DBX2: variants seen among roughly 807,000 people sequenced by gnomAD.
The protein encoded by DBX2 is developing brain homeobox 2.
A neutral mutation model predicts 17.7 loss-of-function variants in DBX2; 16 were observed. The observed-to-expected ratio is 0.90, with a 90% confidence interval of 0.61 to 1.37. The LOEUF (loss-of-function observed/expected upper bound fraction) is 1.37, where lower values mean the gene tolerates loss of function less well. DBX2 is among the 40% of genes most tolerant of loss of function. The probability of loss-of-function intolerance (pLI) is 0.00; values close to 1 mark genes in which losing one functional copy is unlikely to be tolerated. For synonymous variants in DBX2, 255 were observed against 183.8 expected (o/e 1.39, Z -3.13); for missense variants, 538 against 433.8 (o/e 1.24, Z -2.13).
At chr12:45,037,247 C>A (rs1482201294) in intron 1 of DBX2, among the ~76,000 whole-genome samples, 1 of 152,162 alleles carries the variant, frequency 6.6e-6, no homozygotes, top group African/African-American at 2.4e-5. Flanking sequence ...CTTAGACACA[C>A]CATGTCCTTT....
rs1321079452 is a variant in DBX2, at chr12:45,035,999, G to A, written c.499+20C>T. 6.2e-7 allele frequency: 1 copy of A among 1,605,282 alleles called. No homozygotes were observed. On this transcript the variant is annotated intron_variant, in intron 2 of 3. Coordinates refer to ENST00000332700, the MANE Select transcript of DBX2 (RefSeq NM_001004329.3). Reference sequence around the variant, plus strand: ...TTTACAGAATAACTGAGGCATTGCTGATGAAGGATAAAAACTTACTTGGAA... The same window carrying A: ...TTTACAGAATAACTGAGGCATTGCTAATGAAGGATAAAAACTTACTTGGAA...
At chr12:45,030,074 C>CTG (rs1946401525) in intron 2 of DBX2, among the ~76,000 whole-genome samples, 1 of 152,032 alleles carries the variant, frequency 6.6e-6, no homozygotes, top group East Asian at 1.9e-4. Context: ...TGGAGGTACA[C>CTG]TGTGTGTTCA....
chr12:45,046,815 A>T lies in DBX2; in HGVS notation c.403+3710T>A, dbSNP rs141792660. ...GATGGTCAGAAACAATCCTAACCGG[A>T]TGCCAGAAAAAAAAATACTAATGCT... On this transcript the variant is annotated intron_variant, in intron 1 of 3. Transcript: ENST00000332700. Among the ~76,000 whole-genome samples the T allele has an allele frequency of 2.0e-5, 3 of 152,286 alleles. No individual in the cohort carries two copies. The East Asian group carries it at 5.8e-4, about 29-fold the overall frequency.
At chr12:45,039,301 A>G (rs187569167) in intron 1 of DBX2, among the ~76,000 whole-genome samples, 2 of 98,094 alleles carry the variant, frequency 2.0e-5, no homozygotes, top group East Asian at 4.9e-4. Flanking sequence ...ATATATATAT[A>G]TATATATATA....
In DBX2 at chr12:45,050,701, AG is replaced by A. The variant is rs1946527063; in HGVS notation, c.226del (p.Leu76CysfsTer8). 6.6e-7 allele frequency: 1 copy of A among 1,523,646 alleles called. No homozygotes were observed. Among genetic ancestry groups the A allele is most frequent in the Non-Finnish European group, 8.8e-7 (1 of 1,136,328 alleles). 94.4% of individuals were successfully genotyped at this position (1,523,646 alleles called of 1,614,324 possible). A position where few individuals can be genotyped will look rare whatever the true frequency, so the allele number is the denominator to read the frequency against. On this transcript the variant is annotated frameshift_variant, in exon 1 of 4. Coordinates refer to ENST00000332700, the MANE Select transcript of DBX2 (RefSeq NM_001004329.3). LOFTEE classifies it high-confidence loss of function. ...LATAGAQLRP[L>X]PASPVPLKLC... ...CTTTAGGGGAACTGGGCTAGCAGGC[AG>A]GGGCCGGAGCTGCGCGCCCGCGGTG... is the stretch of plus-strand genomic sequence containing the variant.
At chr12:45,039,637 C>T (rs142250937) in intron 1 of DBX2, among the ~76,000 whole-genome samples, 3 of 151,904 alleles carry the variant, frequency 2.0e-5, no homozygotes, top group African/African-American at 7.3e-5. Context: ...AGGCACTGGA[C>T]TAGCTACAAA....
At chr12:45,038,789 G>C (rs939929311) in intron 1 of DBX2, among the ~76,000 whole-genome samples, 1 of 151,920 alleles carries the variant, frequency 6.6e-6, no homozygotes, top group African/African-American at 2.4e-5. Flanking sequence ...ACAGATATCT[G>C]ATCTTAATGC....
chr12:45,050,882 C>G lies in DBX2; in HGVS notation c.46G>C (p.Val16Leu). The change falls in exon 1 of 4, where the codon GTT becomes CTT. Residue 16 changes from valine (V) to leucine (L), a missense_variant. Coordinates refer to ENST00000332700, the MANE Select transcript of DBX2 (RefSeq NM_001004329.3). ...TTGAGGAGCGCGGAGGAAGCCACAA[C>G]GTCCCAGTACGCACCGGCGTGGGCT... The part of the protein sequence containing the change: ...VAAHAGAYWD[V>L]VASSALLNLP... 1.3e-6 allele frequency: 2 copies of G among 1,525,960 alleles called. No homozygotes were observed. The highest frequency in any genetic ancestry group is 8.8e-7 in the Non-Finnish European group (1 of 1,139,552). The allele number at this position is 1,525,960 out of a possible 1,614,324, so 94.5% of individuals were successfully genotyped here.
chr12:45,029,437 G>A (rs921137914), intron 2 of DBX2, among the ~76,000 whole-genome samples: 1 of 152,192 alleles, frequency 6.6e-6, no homozygotes, highest in African/African-American at 2.4e-5. Context: ...GTTAAGTTGT[G>A]CAATTAAAGT....
chr12:45,049,467 A>G (rs954822580), intron 1 of DBX2, among the ~76,000 whole-genome samples: 1 of 152,168 alleles, frequency 6.6e-6, no homozygotes, highest in Admixed American at 6.5e-5. Flanking sequence ...TATTTGTTCC[A>G]TTCTGTTAGT....
intron 3 of DBX2, among the ~76,000 whole-genome samples, chr12:45,017,747 T>G (rs1285945687): frequency 6.6e-6 from 1 of 152,206 alleles, no homozygotes. Flanking sequence ...TGTAGTCAAC[T>G]GTGCCTGAGC....
intron 2 of DBX2, among the ~76,000 whole-genome samples, chr12:45,029,613 C>G (rs1288639504): frequency 2.6e-5 from 4 of 152,080 alleles, no homozygotes; most frequent in Non-Finnish European, 4.4e-5. Flanking sequence ...GCCTGTAATC[C>G]CAGCACTTTG....
intron 2 of DBX2, among the ~76,000 whole-genome samples, chr12:45,026,228 C>T (rs542228758): frequency 1.3e-5 from 2 of 152,184 alleles, no homozygotes; most frequent in Admixed American, 1.3e-4. Context: ...CCTGCCAGGC[C>T]TTTGAAGATA....
intron 1 of DBX2, among the ~76,000 whole-genome samples, chr12:45,046,805 T>G (rs1027931424): frequency 1.3e-5 from 2 of 152,098 alleles, no homozygotes; most frequent in Non-Finnish European, 2.9e-5. Flanking sequence ...TCAGAAACAA[T>G]CCTAACCGGA....
chr12:45,050,609 C>T lies in DBX2; in HGVS notation c.319G>A (p.Val107Met). Reference protein sequence around the residue: ...APYGTRWAFQVLSPSADSARL... With the variant: ...APYGTRWAFQMLSPSADSARL... ...GCACTGTCCGCAGAGGGACTGAGCA[C>T]TTGAAAAGCCCACCGCGTTCCGTAG... Residue 107 changes from valine (V) to methionine (M), a missense_variant, in exon 1 of 4, where the codon GTG becomes ATG. Val to Met is a conservative substitution (Grantham distance 21). Coordinates refer to ENST00000332700, the MANE Select transcript of DBX2 (RefSeq NM_001004329.3). 2 of 1,550,814 alleles carry T rather than the reference C, an allele frequency of 1.3e-6. No homozygotes were observed. The highest frequency in any genetic ancestry group is 1.7e-6 in the Non-Finnish European group (2 of 1,147,466).
intron 1 of DBX2, among the ~76,000 whole-genome samples, chr12:45,041,050 A>G (rs911918470): frequency 6.9e-6 from 1 of 144,068 alleles, no homozygotes; most frequent in Non-Finnish European, 1.5e-5. Flanking sequence ...TGGGGGGAAG[A>G]AAAAAAAAAA....
At chr12:45,031,814 T>C (rs537464558) in intron 2 of DBX2, among the ~76,000 whole-genome samples, 32 of 152,296 alleles carry the variant, frequency 2.1e-4, no homozygotes, top group African/African-American at 7.2e-4. Context: ...TGTAGACACA[T>C]ACTGAGCTGA....
intron 2 of DBX2, among the ~76,000 whole-genome samples, chr12:45,024,638 C>T (rs1234530956): frequency 6.6e-6 from 1 of 152,182 alleles, no homozygotes; most frequent in Non-Finnish European, 1.5e-5. Flanking sequence ...ATATGCCAGA[C>T]ACTCTGCTCA....
At chr12:45,022,298 GTTTTTTTTTTT>G (rs745546411) in intron 3 of DBX2, among the ~76,000 whole-genome samples, 1 of 82,518 alleles carries the variant, frequency 1.2e-5, no homozygotes, top group East Asian at 4.3e-4. Flanking sequence ...AATAATAACT[GTTTTTTTTTTT>G]TTTTTTTTTT....
Sources: gnomAD v4.1 joint callset for allele counts (sites outside exome capture counted in the v4.1 genomes callset) on GRCh38, gnomAD v4.1.1 for gene constraint, MANE v1.5 for transcripts, NCBI Gene and HGNC (gene_info 2026-07-23, HGNC 2026-07-21) for gene names.